The following RAPH1 variants were observed in gnomAD, a reference collection of about 807,000 sequenced individuals.
The protein encoded by RAPH1 is Ras association (RalGDS/AF-6) and pleckstrin homology domains 1.
A neutral mutation model predicts 88.1 loss-of-function variants in RAPH1; 18 were observed. The observed-to-expected ratio is 0.20, with a 90% CI of 0.14 to 0.30. The LOEUF (loss-of-function observed/expected upper bound fraction) is 0.30. Among genes scored for constraint, RAPH1 ranks in the 10% least tolerant of loss-of-function variants. The pLI, the probability that RAPH1 is intolerant of heterozygous loss-of-function variation, is 1.00. For synonymous variants in RAPH1, 587 were observed against 559.0 expected (o/e 1.05, Z -0.71); for missense variants, 1,448 against 1,543.2 (o/e 0.94, Z 1.03).
intron 1 of RAPH1, among the ~76,000 whole-genome samples, chr2:203,498,300 T>C (rs769552563): frequency 9.2e-5 from 14 of 152,336 alleles, no homozygotes; most frequent in Admixed American, 3.9e-4. Flanking sequence ...TTATGGTGAC[T>C]ATATTCTCCA....
intron 1 of RAPH1, among the ~76,000 whole-genome samples, chr2:203,533,109 T>C (rs1366797829): frequency 6.6e-6 from 1 of 152,042 alleles, no homozygotes; most frequent in Admixed American, 6.6e-5. Flanking sequence ...CTTTGGAAAA[T>C]AAAGAGTTAA....
chr2:203,455,029 GTCCTGGTGCCAATAA>G (rs1336252188), intron 9 of RAPH1, among the ~76,000 whole-genome samples: 1 of 152,160 alleles, frequency 6.6e-6, no homozygotes, highest in Non-Finnish European at 1.5e-5. Context: ...GTTTAAAACA[GTCCTGGTGCCAATAA>G]GCACCGAAGT....
intron 4 of RAPH1, among the ~76,000 whole-genome samples, chr2:203,471,800 C>A (rs2098533326): frequency 8.4e-6 from 1 of 119,632 alleles, no homozygotes. Flanking sequence ...CATAAATGCC[C>A]CTCTCACCCA....
intron 1 of RAPH1, among the ~76,000 whole-genome samples, chr2:203,520,742 T>C (rs1407976178): frequency 1.3e-5 from 2 of 151,364 alleles, no homozygotes; most frequent in Non-Finnish European, 2.9e-5. Context: ...TTGGCAAAAA[T>C]AGTGTGATAA....
At chr2:203,495,614 C>T (rs938613017) in intron 1 of RAPH1, among the ~76,000 whole-genome samples, 4 of 152,010 alleles carry the variant, frequency 2.6e-5, no homozygotes, top group Non-Finnish European at 4.4e-5. Context: ...AATCGCATTA[C>T]TAAAAAAATT....
At chr2:203,506,780 CTAGATATATA>C (rs1689044682) in intron 1 of RAPH1, among the ~76,000 whole-genome samples, 4 of 77,688 alleles carry the variant, frequency 5.1e-5, no homozygotes, top group African/African-American at 2.7e-4. Context: ...CTATATATAT[CTAGATATATA>C]TATCTATATA....
rs369056406 is a variant in RAPH1, at chr2:203,440,058, C to G, written c.3132G>C (p.Gly1044=). The part of the protein sequence containing the change: ...GVNLPGVLQQ[G]CVSAKAPVLS... ...GAACAGGGGCTTTTGCTGACACACACCCTTGTTGGAGAACTCCAGGAAGGT... is the reference window on the plus strand; with the variant it reads ...GAACAGGGGCTTTTGCTGACACACAGCCTTGTTGGAGAACTCCAGGAAGGT... Residue 1044 remains glycine, a synonymous_variant, in exon 14 of 14, where the codon GGG becomes GGC. Transcript: ENST00000319170. The G allele has an allele frequency of 6.2e-6, 10 of 1,613,520 alleles. No individual in the cohort carries two copies. In the African/African-American group the frequency reaches 1.3e-4, roughly 22 times the overall value.
chr2:203,522,198 C>A (rs1265945837), intron 1 of RAPH1, among the ~76,000 whole-genome samples: 1 of 152,114 alleles, frequency 6.6e-6, no homozygotes, highest in East Asian at 1.9e-4. Context: ...GTTTTAGTCT[C>A]CTGTATTTCT....
chr2:203,502,566 T>C (rs1688779978), intron 1 of RAPH1, among the ~76,000 whole-genome samples: 1 of 152,124 alleles, frequency 6.6e-6, no homozygotes, highest in Admixed American at 6.5e-5. Context: ...ATGAACCCCT[T>C]AGAAAAAGAA....
chr2:203,506,891 T>TAG (rs1689107827), intron 1 of RAPH1, among the ~76,000 whole-genome samples: 6 of 114,118 alleles, frequency 5.3e-5, no homozygotes, highest in Non-Finnish European at 8.3e-5. Context: ...GATATATATA[T>TAG]ATATATATTT....
rs751123830 is a variant in RAPH1, at chr2:203,434,508, ATTGT to A, written c.*4925_*4928del. ...GTGGCTGATAGTAAAATGAAGCAAA[ATTGT>A]TTGAAACATTCCAGTTAATGCTTAT... On this transcript the variant is annotated 3_prime_UTR_variant, in exon 14 of 14. Coordinates refer to ENST00000319170, the MANE Select transcript of RAPH1 (RefSeq NM_213589.3). 1.3e-5 allele frequency: 2 copies of A among 152,052 alleles called. No homozygotes were observed. The highest frequency in any genetic ancestry group is 2.9e-5 in the Non-Finnish European group (2 of 67,976). The allele number at this position is 152,052 out of a possible 1,614,324, so 9.4% of individuals were successfully genotyped here.
chr2:203,503,371 G>A (rs1284796857), intron 1 of RAPH1, among the ~76,000 whole-genome samples: 1 of 152,114 alleles, frequency 6.6e-6, no homozygotes, highest in Non-Finnish European at 1.5e-5. Context: ...CACATGGCTG[G>A]GAGGGCCTCA....
intron 1 of RAPH1, among the ~76,000 whole-genome samples, chr2:203,519,848 A>G (rs1434427949): frequency 3.3e-5 from 5 of 152,232 alleles, no homozygotes; most frequent in Non-Finnish European, 7.3e-5. Context: ...AATGCATTTC[A>G]GGCAATTCTC....
Position 203,489,906 on chromosome 2 carries a change from G to A in RAPH1, c.410C>T (p.Ser137Phe). 1 of 1,614,220 alleles carries A rather than the reference G, an allele frequency of 6.2e-7. No homozygotes were observed. The highest frequency in any genetic ancestry group is 8.5e-7 in the Non-Finnish European group (1 of 1,180,036). The change falls in exon 4 of 14, where the codon TCT becomes TTT. Residue 137 changes from serine to phenylalanine, a missense_variant. By Grantham distance (155) the Ser-to-Phe change is radical. Transcript: ENST00000319170. ...TTTAGCTATCCTATTAGATGAAGAA[G>A]ATAATCCTTTCAAGGTGCCATGTTT... is the stretch of plus-strand genomic sequence containing the variant. ...TLKHGTLKGLSSSSNRIAKPS... is the reference protein window; with the variant it reads ...TLKHGTLKGLFSSSNRIAKPS...
At chr2:203,443,712 GC>G (rs1225187367) in intron 13 of RAPH1, 1 of 152,168 alleles carries the variant, frequency 6.6e-6, no homozygotes, top group African/African-American at 2.4e-5. Flanking sequence ...GAATATGGTG[GC>G]TCATGCCTGT....
chr2:203,524,789 T>A lies in RAPH1; in HGVS notation c.-1+10322A>T, dbSNP rs975941545. On this transcript the variant is annotated intron_variant, in intron 1 of 13. Coordinates refer to ENST00000319170, the MANE Select transcript of RAPH1 (RefSeq NM_213589.3). ...TGGAAATGTTCAGTTTTGATTACAG[T>A]GATGATTTCATGGGTGTATTAAAAC... Among the ~76,000 whole-genome samples the A allele has an allele frequency of 5.3e-5, 8 of 152,304 alleles. No homozygotes were observed. The East Asian group carries it at 1.5e-3, about 29-fold the overall frequency.
intron 10 of RAPH1, among the ~76,000 whole-genome samples, chr2:203,451,545 C>G (rs1032914915): frequency 2.6e-5 from 4 of 152,064 alleles, no homozygotes; most frequent in Non-Finnish European, 5.9e-5. Context: ...TAAAATTATA[C>G]CAGGGTTAAG....
At chr2:203,530,546 C>T (rs934447024) in intron 1 of RAPH1, among the ~76,000 whole-genome samples, 1 of 152,122 alleles carries the variant, frequency 6.6e-6, no homozygotes, top group African/African-American at 2.4e-5. Flanking sequence ...CCCCATCGCA[C>T]CCCCAAAATT....
chr2:203,493,683 T>C (rs1368633468), intron 2 of RAPH1, among the ~76,000 whole-genome samples: 3 of 152,080 alleles, frequency 2.0e-5, no homozygotes, highest in African/African-American at 7.2e-5. Flanking sequence ...TTGAAAACAT[T>C]CTCCCCTGGC....
Sources: gnomAD v4.1 joint callset for allele counts (sites outside exome capture counted in the v4.1 genomes callset) on GRCh38, gnomAD v4.1.1 for gene constraint, MANE v1.5 for transcripts, NCBI Gene and HGNC (gene_info 2026-07-23, HGNC 2026-07-21) for gene names.